MPZL1: variants seen among roughly 807,000 people sequenced by gnomAD.
The protein encoded by MPZL1 is myelin protein zero like 1, also known as myelin protein zero-like protein 1.
Under a neutral mutation model 29.3 loss-of-function variants are expected in MPZL1, and 16 were observed. The observed-to-expected ratio is 0.55, with a 90% CI of 0.37 to 0.83. MPZL1 has a LOEUF of 0.83. Among genes scored for constraint, MPZL1 ranks in the 40% least tolerant of loss-of-function variants. The probability of loss-of-function intolerance (pLI) is 0.00; values close to 1 mark genes in which losing one functional copy is unlikely to be tolerated. For missense variants in MPZL1, 279 were observed against 332.9 expected (o/e 0.84, Z 1.26); for synonymous variants, 143 against 132.0 (o/e 1.08, Z -0.57).
Position 167,788,879 on chromosome 1 carries a change from CTTTT to C in MPZL1, c.*971_*974del, listed in dbSNP as rs34678493. ...CTCTCTAGAGAATCACCTTCTTTCG[CTTTT>C]TTTTTTTTTTTTGAGGTAGAGTCTC... On this transcript the variant is annotated 3_prime_UTR_variant, in exon 6 of 6. Coordinates refer to ENST00000359523, the MANE Select transcript of MPZL1 (RefSeq NM_003953.6). 7 of 130,410 alleles carry C rather than the reference CTTTT, an allele frequency of 5.4e-5. No homozygotes were observed. Among genetic ancestry groups the C allele is most frequent in the Admixed American group, 7.8e-5 (1 of 12,766 alleles). 8.1% of individuals were successfully genotyped at this position (130,410 alleles called of 1,614,324 possible).
Position 167,743,214 on chromosome 1 carries a change from C to CT in MPZL1, c.91+20983dup, listed in dbSNP as rs778344121. Among the ~76,000 whole-genome samples the CT allele has an allele frequency of 2.7e-3, 398 of 147,058 alleles. 4 individuals are homozygous for CT. Among genetic ancestry groups the CT allele is most frequent in the Admixed American group, 4.5e-3 (66 of 14,706 alleles). ...ACTTTTGGCAGTATCATCATTTTCA[C>CT]TTTTTTTTTTTCTTCGAGACAGAGT... On this transcript the variant is annotated intron_variant, in intron 1 of 5. Coordinates refer to ENST00000359523, the MANE Select transcript of MPZL1 (RefSeq NM_003953.6).
intron 5 of MPZL1, among the ~76,000 whole-genome samples, chr1:167,777,961 C>T (rs745572312): frequency 6.6e-6 from 1 of 152,172 alleles, no homozygotes. Context: ...AAATCCAACA[C>T]GCTTTATGCT....
intron 1 of MPZL1, among the ~76,000 whole-genome samples, chr1:167,742,324 T>A (rs1309521880): frequency 2.0e-5 from 3 of 152,068 alleles, no homozygotes; most frequent in Non-Finnish European, 4.4e-5. Context: ...ATCAAATTGT[T>A]CTTGTTTTCC....
At chr1:167,759,871 G>C (rs547778044) in intron 1 of MPZL1, among the ~76,000 whole-genome samples, 2 of 152,272 alleles carry the variant, frequency 1.3e-5, no homozygotes, top group Non-Finnish European at 2.9e-5. Context: ...TATTTGAGGG[G>C]GTCAGGGTAG....
chr1:167,765,609 G>C lies in MPZL1; in HGVS notation c.118G>C (p.Val40Leu). Residue 40 changes from valine (V) to leucine (L), a missense_variant, in exon 2 of 6, where the codon GTA (valine) becomes CTA (leucine). By Grantham distance (32) the Val-to-Leu change is conservative. Coordinates refer to ENST00000359523, the MANE Select transcript of MPZL1 (RefSeq NM_003953.6). ...GACAGCTGGAGTATCAGCCTTGGAA[G>C]TATATACGCCAAAAGAAATCTTCGT... Reference protein sequence around the residue: ...LLTAGVSALEVYTPKEIFVAN... With the variant: ...LLTAGVSALELYTPKEIFVAN... The C allele has an allele frequency of 6.2e-7, 1 of 1,612,482 alleles. No individual in the cohort carries two copies. Among genetic ancestry groups the C allele is most frequent in the African/African-American group, 1.3e-5 (1 of 74,974 alleles).
intron 1 of MPZL1, among the ~76,000 whole-genome samples, chr1:167,732,818 G>A (rs1224443842): frequency 6.6e-6 from 1 of 152,154 alleles, no homozygotes; most frequent in East Asian, 1.9e-4. Context: ...ATGTTGACCA[G>A]GCTGGTCTCG....
At chr1:167,753,995 G>C (rs1322083182) in intron 1 of MPZL1, among the ~76,000 whole-genome samples, 3 of 151,270 alleles carry the variant, frequency 2.0e-5, no homozygotes, top group African/African-American at 7.3e-5. Flanking sequence ...TCTAGCAGCT[G>C]GAGTTTATTT....
At position 167,788,016 on chromosome 1, in the gene MPZL1, C is replaced by G; in HGVS notation, c.*95C>G. 4.1e-6 allele frequency: 4 copies of G among 965,248 alleles called. No homozygotes were observed. Among genetic ancestry groups the G allele is most frequent in the South Asian group, 1.4e-5 (1 of 70,976 alleles). 59.8% of individuals were successfully genotyped at this position (965,248 alleles called of 1,614,324 possible). The stretch of plus-strand genomic sequence containing the variant: ...CATTACCACATGTAGCCTTGGAGAC[C>G]CAGGCAAGGACAAGTACACGTGTAC... On this transcript the variant is annotated 3_prime_UTR_variant, in exon 6 of 6. Transcript: ENST00000359523.
chr1:167,787,736 C>A, intron 5 of MPZL1, 84 bp from the exon 6 acceptor site: 1 of 973,424 alleles, frequency 1.0e-6, no homozygotes, highest in African/African-American at 1.6e-5. Context: ...CTGATGTGAT[C>A]ACGTTAATCA....
In MPZL1 at chr1:167,776,171, T is replaced by C; in HGVS notation, c.708+5T>C. ...CTGCCTTCTGGATCTCACCAGGTAA[T>C]GGCTGATTGCGATTCTGCCCACTGC... On this transcript the variant is annotated splice_donor_5th_base_variant and intron_variant, in intron 5 of 5. Coordinates refer to ENST00000359523, the MANE Select transcript of MPZL1 (RefSeq NM_003953.6). 1 of 1,605,580 alleles carries C rather than the reference T, an allele frequency of 6.2e-7. No homozygotes were observed. Among genetic ancestry groups the C allele is most frequent in the Non-Finnish European group, 8.5e-7 (1 of 1,173,136 alleles).
rs80123775 is a variant in MPZL1 at position 167,768,537 on chromosome 1, A to G, written c.258+2788A>G. 4.5e-3 allele frequency among the ~76,000 whole-genome samples: 691 copies of G among 152,172 alleles called. 10 individuals carry two copies. Among genetic ancestry groups the G allele is most frequent in the African/African-American group, 0.016 (658 of 41,482 alleles). ...CTTGCCTGTCTTACATCTTTAGTAT[A>G]CCTCATAGCTTTAGCACCATGGCTT... On this transcript the variant is annotated intron_variant, in intron 2 of 5. Coordinates refer to ENST00000359523, the MANE Select transcript of MPZL1 (RefSeq NM_003953.6).
intron 5 of MPZL1, among the ~76,000 whole-genome samples, chr1:167,778,096 G>T (rs530104105): frequency 6.6e-6 from 1 of 152,318 alleles, no homozygotes; most frequent in East Asian, 1.9e-4. Flanking sequence ...GCCAAGGCGG[G>T]TGGATCACGA....
chr1:167,768,948 T>C (rs1457116877), intron 2 of MPZL1, among the ~76,000 whole-genome samples: 1 of 152,214 alleles, frequency 6.6e-6, no homozygotes, highest in Non-Finnish European at 1.5e-5. Context: ...GTTCATTTTC[T>C]AGTGAAGAAG....
At chr1:167,725,483 TTTTA>T (rs1228676904) in intron 1 of MPZL1, among the ~76,000 whole-genome samples, 1 of 151,912 alleles carries the variant, frequency 6.6e-6, no homozygotes, top group Non-Finnish European at 1.5e-5. Context: ...TTTAAATTTA[TTTTA>T]TTTATTTATT....
chr1:167,727,532 C>T (rs945752978), intron 1 of MPZL1, among the ~76,000 whole-genome samples: 3 of 152,150 alleles, frequency 2.0e-5, no homozygotes, highest in Admixed American at 1.3e-4. Context: ...CCATCGAAGA[C>T]GGTATAATTA....
chr1:167,754,599 A>G (rs1052827592), intron 1 of MPZL1, among the ~76,000 whole-genome samples: 5 of 152,236 alleles, frequency 3.3e-5, no homozygotes, highest in South Asian at 2.1e-4. Flanking sequence ...ATGCATGTGC[A>G]CTAATAATGT....
At chr1:167,737,764 GAC>G (rs1024657568) in intron 1 of MPZL1, among the ~76,000 whole-genome samples, 21 of 152,150 alleles carry the variant, frequency 1.4e-4, no homozygotes, top group African/African-American at 5.1e-4. Context: ...TGCTGACAAT[GAC>G]ACTTTAGATA....
chr1:167,755,430 T>A (rs1323238440), intron 1 of MPZL1, among the ~76,000 whole-genome samples: 6 of 152,228 alleles, frequency 3.9e-5, no homozygotes. Context: ...TAATATGCCA[T>A]TTCAGCACCT....
At chr1:167,771,492 T>C (rs1018136387) in intron 2 of MPZL1, among the ~76,000 whole-genome samples, 2 of 152,204 alleles carry the variant, frequency 1.3e-5, no homozygotes, top group African/African-American at 4.8e-5. Flanking sequence ...TGGCCCGTTC[T>C]CAATGGTCGC....
Sources: allele counts gnomAD v4.1 joint callset (sites outside exome capture counted in the v4.1 genomes callset), GRCh38; gene constraint gnomAD v4.1.1; transcripts MANE v1.5; gene names NCBI Gene and HGNC (gene_info 2026-07-23, HGNC 2026-07-21).